ATP6V1A: variants seen among roughly 807,000 people sequenced by gnomAD.
ATP6V1A encodes the protein V-type proton ATPase catalytic subunit A.
ATP6V1A carries 18 observed loss-of-function variants against 70.1 expected under a neutral mutation model. That is an observed-to-expected ratio of 0.26 (90% CI 0.18 to 0.38). The LOEUF is 0.38. ATP6V1A is among the 10% of genes least tolerant of loss of function. ATP6V1A has a pLI of 1.00. For synonymous variants in ATP6V1A, 232 were observed against 253.8 expected, an observed-to-expected ratio of 0.91 and a Z score of 0.82; for missense variants, 424 against 772.4, an observed-to-expected ratio of 0.55 and a Z score of 5.35.
chr3:113,794,818 C>T lies in ATP6V1A; in HGVS notation c.989-54C>T, dbSNP rs1709136397. On this transcript the variant is annotated intron_variant, in intron 8 of 14. Transcript: ENST00000273398. ...AGGTTTTCTTAAGGGTGGAAAAAAA[C>T]AGGATTTTTATATGCTAGCATTGTA... The T allele has an allele frequency of 3.2e-6, 5 of 1,552,612 alleles. No homozygotes were observed. The Admixed American group carries it at 6.1e-5, about 19-fold the overall frequency.
At chr3:113,775,930 CTTCT>C (rs1708906413) in intron 1 of ATP6V1A, among the ~76,000 whole-genome samples, 2 of 152,164 alleles carry the variant, frequency 1.3e-5, no homozygotes, top group African/African-American at 4.8e-5. Flanking sequence ...GTCTTTAAAT[CTTCT>C]TTCTGTTTTC....
chr3:113,761,235 C>T (rs759756360), intron 1 of ATP6V1A, among the ~76,000 whole-genome samples: 7 of 151,968 alleles, frequency 4.6e-5, no homozygotes, highest in Non-Finnish European at 7.4e-5. Flanking sequence ...AGCCACCGTA[C>T]CTAGACAGCA....
At chr3:113,803,009 A>G (rs1709232501) in intron 12 of ATP6V1A, among the ~76,000 whole-genome samples, 1 of 152,176 alleles carries the variant, frequency 6.6e-6, no homozygotes. Context: ...AGTGGAAGCA[A>G]CCCATATGTC....
At chr3:113,773,957 A>G (rs1479868057) in intron 1 of ATP6V1A, among the ~76,000 whole-genome samples, 1 of 152,148 alleles carries the variant, frequency 6.6e-6, no homozygotes, top group Non-Finnish European at 1.5e-5. Context: ...TTACTTCATT[A>G]TATTTTCCAT....
Position 113,809,516 on chromosome 3 carries a change from C to G in ATP6V1A, c.*89C>G, listed in dbSNP as rs1276703694. ...TGAATTTCTCATCTCAAACCCTTTG[C>G]TTCTTTATTGTGCAGCTTTGAGACT... On this transcript the variant is annotated 3_prime_UTR_variant, in exon 15 of 15. Coordinates refer to ENST00000273398, the MANE Select transcript of ATP6V1A (RefSeq NM_001690.4). 3.3e-6 allele frequency: 4 copies of G among 1,223,336 alleles called. No homozygotes were observed. In the East Asian group the frequency reaches 7.7e-5, roughly 23 times the overall value. 75.8% of individuals were successfully genotyped at this position (1,223,336 alleles called of 1,614,324 possible). A position where few individuals can be genotyped will look rare whatever the true frequency, so the allele number is the denominator to read the frequency against.
rs1481024275 is a variant in ATP6V1A, at chr3:113,810,571, A to G, written c.*1144A>G. Reference sequence around the variant, plus strand: ...ACTTAAAACAATCACTGAAAACTTGATCCACATCACACCCTGTTTATTTTC... The same window carrying G: ...ACTTAAAACAATCACTGAAAACTTGGTCCACATCACACCCTGTTTATTTTC... On this transcript the variant is annotated 3_prime_UTR_variant, in exon 15 of 15. Transcript: ENST00000273398. 1 of 152,200 alleles carries G rather than the reference A, an allele frequency of 6.6e-6. No homozygotes were observed. The highest frequency in any genetic ancestry group is 1.5e-5 in the Non-Finnish European group (1 of 68,036). 9.4% of individuals were successfully genotyped at this position (152,200 alleles called of 1,614,324 possible).
intron 5 of ATP6V1A, among the ~76,000 whole-genome samples, chr3:113,785,392 A>T (rs1709026688): frequency 6.6e-6 from 1 of 152,008 alleles, no homozygotes; most frequent in East Asian, 1.9e-4. Flanking sequence ...GTGAGCTGAG[A>T]TCGTGCCATT....
At chr3:113,793,559 CTG>C (rs1348941049) in intron 8 of ATP6V1A, among the ~76,000 whole-genome samples, 2 of 152,142 alleles carry the variant, frequency 1.3e-5, no homozygotes, top group African/African-American at 4.8e-5. Flanking sequence ...TCACAAGTAT[CTG>C]TGACATTTCA....
intron 2 of ATP6V1A, 129 bp downstream of exon 2, chr3:113,778,964 C>T (rs1289786526): frequency 5.2e-6 from 3 of 572,786 alleles, no homozygotes; most frequent in African/African-American, 3.9e-5. Context: ...TAGGCGATCT[C>T]ATAGTGACTA....
intron 5 of ATP6V1A, among the ~76,000 whole-genome samples, chr3:113,785,110 G>A (rs1044685487): frequency 6.6e-6 from 1 of 152,176 alleles, no homozygotes. Flanking sequence ...GCATAGAATA[G>A]ACTTTGATTT....
intron 14 of ATP6V1A, among the ~76,000 whole-genome samples, chr3:113,807,411 C>T (rs567031051): frequency 9.9e-5 from 15 of 151,980 alleles, no homozygotes; most frequent in African/African-American, 3.4e-4. Context: ...GAACTCCTGA[C>T]CTCAGGTGAT....
intron 14 of ATP6V1A, among the ~76,000 whole-genome samples, chr3:113,807,459 A>G (rs10470387): frequency 0.36 from 55,416 of 151,930 alleles, 10,179 homozygotes; most frequent in African/African-American, 0.4. Flanking sequence ...GGGATTACAG[A>G]CATGAGCCAC....
intron 1 of ATP6V1A, among the ~76,000 whole-genome samples, chr3:113,766,328 C>T (rs1160483453): frequency 3.3e-5 from 5 of 152,102 alleles, no homozygotes; most frequent in Non-Finnish European, 5.9e-5. Context: ...GACAGTCTCG[C>T]TCTGTCACCC....
At chr3:113,807,831 CTT>C (rs1015651138) in intron 14 of ATP6V1A, among the ~76,000 whole-genome samples, 11 of 151,968 alleles carry the variant, frequency 7.2e-5, no homozygotes, top group Non-Finnish European at 1.3e-4. Context: ...TTCTTAGACA[CTT>C]AGAAAATTTC....
At chr3:113,808,142 A>C (rs1709298697) in intron 14 of ATP6V1A, among the ~76,000 whole-genome samples, 2 of 151,294 alleles carry the variant, frequency 1.3e-5, no homozygotes, top group Non-Finnish European at 2.9e-5. Context: ...AAAAAAAAAA[A>C]AACAAAGAAA....
chr3:113,777,510 C>T (rs1391270274), intron 1 of ATP6V1A, among the ~76,000 whole-genome samples: 1 of 152,198 alleles, frequency 6.6e-6, no homozygotes, highest in Non-Finnish European at 1.5e-5. Flanking sequence ...AATCCCAACA[C>T]TTCAGGAGGC....
intron 1 of ATP6V1A, among the ~76,000 whole-genome samples, chr3:113,777,380 T>A (rs1483630713): frequency 6.6e-6 from 1 of 152,196 alleles, no homozygotes; most frequent in Non-Finnish European, 1.5e-5. Context: ...TGCTATGGTA[T>A]AAAATAGGGA....
chr3:113,795,890 G>C lies in ATP6V1A; in HGVS notation c.1241G>C (p.Gly414Ala). 1 of 1,609,132 alleles carries C rather than the reference G, an allele frequency of 6.2e-7. No individual in the cohort carries two copies. The highest frequency in any genetic ancestry group is 8.5e-7 in the Non-Finnish European group (1 of 1,178,838). ...TTTAAATTTAGAGTTTCTCCACCTG[G>C]TGGTGATTTTTCTGATCCAGTTACA... ...VSIVGAVSPP[G>A]GDFSDPVTSA... Residue 414 changes from glycine (G) to alanine (A), a missense_variant, in exon 11 of 15, where the codon GGT becomes GCT. By Grantham distance (60) the Gly-to-Ala change is moderately conservative (BLOSUM62 0). Transcript: ENST00000273398.
Position 113,794,866 on chromosome 3 carries a change from A to G in ATP6V1A, c.989-6A>G. 6.3e-7 allele frequency: 1 copy of G among 1,597,530 alleles called. No individual in the cohort carries two copies. Among genetic ancestry groups the G allele is most frequent in the Non-Finnish European group, 8.5e-7 (1 of 1,175,798 alleles). On this transcript the variant is annotated splice_polypyrimidine_tract_variant and splice_region_variant and intron_variant, in intron 8 of 14. Coordinates refer to ENST00000273398, the MANE Select transcript of ATP6V1A (RefSeq NM_001690.4). ...GTAACTTATAATAATATTCTTCCCA[A>G]TTTAGGAATCACACTGTCAGAGTAC...
Sources: allele counts gnomAD v4.1 joint callset (sites outside exome capture counted in the v4.1 genomes callset), GRCh38; gene constraint gnomAD v4.1.1; transcripts MANE v1.5; gene names NCBI Gene and HGNC (gene_info 2026-07-23, HGNC 2026-07-21).